GALNTL6: variants seen among roughly 807,000 people sequenced by gnomAD.
GALNTL6 encodes the protein polypeptide N-acetylgalactosaminyltransferase-like 6.
GALNTL6 carries 46 observed loss-of-function variants against 73.7 expected under a neutral mutation model. That is an observed-to-expected ratio of 0.62 (90% CI 0.49 to 0.80). GALNTL6 has a LOEUF of 0.80. GALNTL6 is among the 30% of genes least tolerant of loss of function. The pLI is 0.00. For missense variants in GALNTL6, 604 were observed against 755.0 expected, an observed-to-expected ratio of 0.80 and a Z score of 2.34; for synonymous variants, 259 against 263.7, an observed-to-expected ratio of 0.98 and a Z score of 0.17.
At chr4:172,057,603 A>T (rs961473958) in intron 2 of GALNTL6, among the ~76,000 whole-genome samples, 1 of 149,852 alleles carries the variant, frequency 6.7e-6, no homozygotes, top group Non-Finnish European at 1.5e-5. Flanking sequence ...GCTACTCCAG[A>T]GGTTGAGGCG....
At position 172,335,635 on chromosome 4, in the gene GALNTL6, T is replaced by A. The variant is rs56836446; in HGVS notation, c.387-12888T>A. Among the ~76,000 whole-genome samples, 565 of 152,306 alleles carry A rather than the reference T, an allele frequency of 3.7e-3. 2 individuals carry two copies. The highest frequency in any genetic ancestry group is 0.013 in the African/African-American group (520 of 41,572). ...ATTCAAATTTGGAACTTGATATTGG[T>A]CCTTTCAGGATTTCAATTTCTTCCT... On this transcript the variant is annotated intron_variant, in intron 4 of 12. Transcript: ENST00000506823.
At chr4:172,339,617 G>C (rs1020698283) in intron 4 of GALNTL6, among the ~76,000 whole-genome samples, 3 of 152,080 alleles carry the variant, frequency 2.0e-5, no homozygotes, top group African/African-American at 7.2e-5. Flanking sequence ...AACTCCAGTC[G>C]GGGAAAATGC....
At chr4:172,599,064 G>T (rs1399603134) in intron 5 of GALNTL6, among the ~76,000 whole-genome samples, 1 of 152,088 alleles carries the variant, frequency 6.6e-6, no homozygotes, top group Non-Finnish European at 1.5e-5. Flanking sequence ...TACATTCCTA[G>T]GCAGATTGAC....
chr4:172,755,353 G>A lies in GALNTL6; in HGVS notation c.554-54008G>A, dbSNP rs189977934. 1.9e-4 allele frequency among the ~76,000 whole-genome samples: 28 copies of A among 150,576 alleles called. No homozygotes were observed. In the East Asian group the frequency reaches 2.1e-3, roughly 12 times the overall value. ...AAAAAAAAAAAAAAATTCACTTGCC[G>A]AATACCACTCAATCAAAGTTTTTTG... On this transcript the variant is annotated intron_variant, in intron 5 of 12. Transcript: ENST00000506823.
intron 2 of GALNTL6, among the ~76,000 whole-genome samples, chr4:171,905,931 T>A (rs1323995978): frequency 6.6e-6 from 1 of 150,548 alleles, no homozygotes; most frequent in African/African-American, 2.5e-5. Flanking sequence ...AATAAAGATG[T>A]TCTTTGAAAC....
intron 2 of GALNTL6, among the ~76,000 whole-genome samples, chr4:171,839,479 T>C (rs188056256): frequency 6.6e-6 from 1 of 152,242 alleles, no homozygotes; most frequent in Non-Finnish European, 1.5e-5. Context: ...TCTTTTCTAC[T>C]GTCTGTTGCT....
At chr4:172,526,361 C>T (rs1734952866) in intron 5 of GALNTL6, among the ~76,000 whole-genome samples, 1 of 152,146 alleles carries the variant, frequency 6.6e-6, no homozygotes, top group Non-Finnish European at 1.5e-5. Flanking sequence ...TTAACAGCCC[C>T]ATTTTATAAT....
intron 5 of GALNTL6, among the ~76,000 whole-genome samples, chr4:172,774,387 A>G (rs1738951184): frequency 6.6e-6 from 1 of 152,178 alleles, no homozygotes. Flanking sequence ...GGTTAGATTT[A>G]GTTAATAATG....
intron 10 of GALNTL6, among the ~76,000 whole-genome samples, chr4:172,995,062 C>T (rs1391965997): frequency 6.6e-6 from 1 of 152,082 alleles, no homozygotes; most frequent in Non-Finnish European, 1.5e-5. Flanking sequence ...GACTATGGCC[C>T]TTGGCTTTGA....
intron 4 of GALNTL6, among the ~76,000 whole-genome samples, chr4:172,319,313 T>C (rs1016958560): frequency 2.0e-5 from 3 of 152,200 alleles, no homozygotes; most frequent in Non-Finnish European, 4.4e-5. Context: ...CTAATGCTCA[T>C]TCAAATTAAA....
At chr4:171,855,160 T>C (rs145326799) in intron 2 of GALNTL6, among the ~76,000 whole-genome samples, 2 of 152,350 alleles carry the variant, frequency 1.3e-5, no homozygotes, top group African/African-American at 2.4e-5. Flanking sequence ...AGTTTACTCT[T>C]TGTGTTGTAG....
chr4:172,331,457 T>G (rs926741270), intron 4 of GALNTL6, among the ~76,000 whole-genome samples: 1 of 152,152 alleles, frequency 6.6e-6, no homozygotes, highest in Non-Finnish European at 1.5e-5. Context: ...TGATTATGGG[T>G]ACAATATCAT....
intron 4 of GALNTL6, among the ~76,000 whole-genome samples, chr4:172,316,218 TAGG>T (rs1740537360): frequency 6.6e-6 from 1 of 152,138 alleles, no homozygotes; most frequent in Admixed American, 6.5e-5. Context: ...ACCATTCTAA[TAGG>T]AGAGTTGAGG....
chr4:171,868,367 CTGTAAACAATAGA>C (rs922586841), intron 2 of GALNTL6, among the ~76,000 whole-genome samples: 1 of 144,348 alleles, frequency 6.9e-6, no homozygotes. Context: ...TGATTCGCGT[CTGTAAACAATAGA>C]TATCTCTTTT....
At chr4:172,487,342 C>CT (rs1489199190) in intron 5 of GALNTL6, among the ~76,000 whole-genome samples, 72 of 127,044 alleles carry the variant, frequency 5.7e-4, no homozygotes, top group Non-Finnish European at 8.5e-4. Flanking sequence ...TTCTTTCTTT[C>CT]TTTCTTTCTT....
At chr4:172,578,720 A>G (rs1737053788) in intron 5 of GALNTL6, among the ~76,000 whole-genome samples, 1 of 152,222 alleles carries the variant, frequency 6.6e-6, no homozygotes, top group African/African-American at 2.4e-5. Flanking sequence ...TTTTAGCTAG[A>G]TGTGTTAAAT....
chr4:172,146,328 C>T (rs963185520), intron 2 of GALNTL6, among the ~76,000 whole-genome samples: 6 of 152,102 alleles, frequency 3.9e-5, no homozygotes, highest in East Asian at 3.9e-4. Context: ...TATTTAAATA[C>T]GTGTCAGTTT....
In GALNTL6 at chr4:172,763,100, A is replaced by G. The variant is rs369756421; in HGVS notation, c.554-46261A>G. Among the ~76,000 whole-genome samples the G allele has an allele frequency of 8.5e-5, 13 of 152,300 alleles. No homozygotes were observed. In the East Asian group the frequency reaches 2.5e-3, roughly 29 times the overall value. On this transcript the variant is annotated intron_variant, in intron 5 of 12. Coordinates refer to ENST00000506823, the MANE Select transcript of GALNTL6 (RefSeq NM_001034845.3). ...GAGCACTGTCATCATACATCCAGAT[A>G]GACACAGGAGCGGTACTAAGGGAGA... is the stretch of plus-strand genomic sequence containing the variant.
At chr4:172,419,672 G>A (rs1467557315) in intron 5 of GALNTL6, among the ~76,000 whole-genome samples, 6 of 152,088 alleles carry the variant, frequency 3.9e-5, no homozygotes, top group Admixed American at 2.6e-4. Flanking sequence ...AAGTGAGGAC[G>A]ACATACATTT....
Sources: gnomAD v4.1 joint callset for allele counts (sites outside exome capture counted in the v4.1 genomes callset) on GRCh38, gnomAD v4.1.1 for gene constraint, MANE v1.5 for transcripts, NCBI Gene and HGNC (gene_info 2026-07-23, HGNC 2026-07-21) for gene names.